Variants in WWOX observed in about 807,000 individuals in gnomAD.
The protein encoded by WWOX is WW domain-containing oxidoreductase.
In WWOX, 69 loss-of-function variants were observed where a neutral mutation model predicts 46.2. The ratio of observed to expected loss-of-function variants is 1.49; its 90% CI spans 1.23 to 1.82. The LOEUF (loss-of-function observed/expected upper bound fraction) is 1.82. Ranked by LOEUF, WWOX falls within the 40% of genes most tolerant of loss-of-function variation. The pLI is 0.00. For missense variants in WWOX, 919 were observed against 542.6 expected, an observed-to-expected ratio of 1.69 and a Z score of -6.89; for synonymous variants, 359 against 202.6, an observed-to-expected ratio of 1.77 and a Z score of -6.56.
chr16:78,970,283 T>C (rs1052023669), intron 8 of WWOX, among the ~76,000 whole-genome samples: 1 of 152,232 alleles, frequency 6.6e-6, no homozygotes. Flanking sequence ...CGAATCATTT[T>C]CTTTGATTCT....
In WWOX at chr16:78,423,617, C is replaced by A. The variant is rs1019004278; in HGVS notation, c.606-1253C>A. Among the ~76,000 whole-genome samples the A allele has an allele frequency of 5.3e-5, 8 of 152,042 alleles. No homozygotes were observed. In the East Asian group the frequency reaches 1.5e-3, roughly 29 times the overall value. ...CCTAGGCAGAAGGATTGCTTGAGAC[C>A]AGGAACTCAAGACCACCTTGACCAC... is the stretch of plus-strand genomic sequence containing the variant. On this transcript the variant is annotated intron_variant, in intron 6 of 8. Transcript: ENST00000566780.
intron 5 of WWOX, among the ~76,000 whole-genome samples, chr16:78,375,365 C>G (rs564250963): frequency 6.6e-6 from 1 of 152,298 alleles, no homozygotes; most frequent in South Asian, 2.1e-4. Context: ...TAAGTTGTTG[C>G]TGCCACTATG....
intron 6 of WWOX, among the ~76,000 whole-genome samples, chr16:78,400,855 G>C (rs571801889): frequency 4.9e-4 from 74 of 152,188 alleles, no homozygotes; most frequent in Non-Finnish European, 9.7e-4. Flanking sequence ...GATAGGGCTG[G>C]CTCTGTCACC....
At chr16:78,377,151 A>T (rs965656854) in intron 5 of WWOX, among the ~76,000 whole-genome samples, 1 of 152,232 alleles carries the variant, frequency 6.6e-6, no homozygotes, top group Non-Finnish European at 1.5e-5. Context: ...CAGAATATAC[A>T]GACTGTTGCT....
chr16:78,418,814 G>A (rs2082859226), intron 6 of WWOX, among the ~76,000 whole-genome samples: 1 of 152,070 alleles, frequency 6.6e-6, no homozygotes. Context: ...AAGGGCATCT[G>A]CAAAAAACCC....
At chr16:79,204,407 C>T (rs149532267) in intron 8 of WWOX, 1 of 152,118 alleles carries the variant, frequency 6.6e-6, no homozygotes, top group Non-Finnish European at 1.5e-5. Context: ...TTCCTTCCCT[C>T]GTTAGGAGTA....
chr16:78,212,182 GCT>G (rs1464860446), intron 5 of WWOX, among the ~76,000 whole-genome samples: 2 of 152,202 alleles, frequency 1.3e-5, no homozygotes, highest in African/African-American at 4.8e-5. Context: ...GAGCATTTCA[GCT>G]CTCTGCTTCT....
chr16:79,095,081 C>G (rs568501704), intron 8 of WWOX, among the ~76,000 whole-genome samples: 80 of 152,272 alleles, frequency 5.3e-4, no homozygotes, highest in African/African-American at 1.7e-3. Flanking sequence ...CTTGGATATT[C>G]TCTGCCCCAG....
At chr16:78,680,449 G>A (rs778780113) in intron 8 of WWOX, among the ~76,000 whole-genome samples, 8 of 152,066 alleles carry the variant, frequency 5.3e-5, no homozygotes, top group Non-Finnish European at 1.0e-4. Flanking sequence ...TGGGAGGATC[G>A]CTTGAGCCCC....
chr16:78,767,956 G>C (rs1374851285), intron 8 of WWOX, among the ~76,000 whole-genome samples: 2 of 152,084 alleles, frequency 1.3e-5, no homozygotes, highest in Admixed American at 1.3e-4. Context: ...AGTTTGGACT[G>C]TGCTAATGTC....
intron 8 of WWOX, among the ~76,000 whole-genome samples, chr16:78,599,413 C>T (rs1324406426): frequency 6.6e-6 from 1 of 152,198 alleles, no homozygotes; most frequent in Non-Finnish European, 1.5e-5. Flanking sequence ...CCTGCCCCCG[C>T]CATAGCCTAA....
chr16:79,123,435 T>A (rs899931588), intron 8 of WWOX, among the ~76,000 whole-genome samples: 5 of 152,232 alleles, frequency 3.3e-5, no homozygotes, highest in African/African-American at 1.2e-4. Flanking sequence ...GGGGAGTGAA[T>A]CTGTCGTTTG....
chr16:78,396,542 C>A lies in WWOX; in HGVS notation c.605+9594C>A, dbSNP rs74028166. ...AAAACCACGCTTTGGAGGGTAGATA[C>A]AATTACCCCAGGGTTGTCTTTTCCC... is the stretch of plus-strand genomic sequence containing the variant. On this transcript the variant is annotated intron_variant, in intron 6 of 8. Transcript: ENST00000566780. Among the ~76,000 whole-genome samples, 752 of 152,244 alleles carry A rather than the reference C, an allele frequency of 4.9e-3. 7 individuals carry two copies. The highest frequency in any genetic ancestry group is 0.017 in the African/African-American group (716 of 41,538).
chr16:78,865,111 T>G (rs568678392), intron 8 of WWOX, among the ~76,000 whole-genome samples: 9 of 152,286 alleles, frequency 5.9e-5, no homozygotes, highest in Non-Finnish European at 1.2e-4. Flanking sequence ...TAAACACCCT[T>G]ATTAACATAT....
intron 8 of WWOX, among the ~76,000 whole-genome samples, chr16:78,864,754 CTTTTTTTTTTTTT>C (rs57606576): frequency 0.33 from 29,444 of 88,572 alleles, 3,757 homozygotes; most frequent in South Asian, 0.47. Context: ...TCTCCAACTC[CTTTTTTTTTTTTT>C]TTTTTTTTTT....
chr16:78,421,390 CCTT>C (rs1411000130), intron 6 of WWOX, among the ~76,000 whole-genome samples: 3 of 152,146 alleles, frequency 2.0e-5, no homozygotes, highest in African/African-American at 7.2e-5. Flanking sequence ...CTTTCCATCT[CCTT>C]CTCTGTGGGT....
chr16:78,230,805 G>C (rs1231832806), intron 5 of WWOX, among the ~76,000 whole-genome samples: 3 of 152,178 alleles, frequency 2.0e-5, no homozygotes, highest in Non-Finnish European at 4.4e-5. Context: ...TGATGGAGGG[G>C]AACACCTATC....
At chr16:78,800,394 T>G (rs982010078) in intron 8 of WWOX, among the ~76,000 whole-genome samples, 6 of 152,220 alleles carry the variant, frequency 3.9e-5, no homozygotes, top group Non-Finnish European at 8.8e-5. Context: ...CAGCTGTCGT[T>G]ATATAATATC....
intron 8 of WWOX, among the ~76,000 whole-genome samples, chr16:78,780,818 C>G (rs1160947729): frequency 6.6e-6 from 1 of 152,068 alleles, no homozygotes; most frequent in Non-Finnish European, 1.5e-5. Context: ...TGGATACCAG[C>G]TAGGATTTCA....
Sources: allele counts gnomAD v4.1 joint callset (sites outside exome capture counted in the v4.1 genomes callset), GRCh38; gene constraint gnomAD v4.1.1; transcripts MANE v1.5; gene names NCBI Gene and HGNC (gene_info 2026-07-23, HGNC 2026-07-21).